The following CD163 variants were observed in gnomAD, a reference collection of about 807,000 sequenced individuals.
The protein encoded by CD163 is scavenger receptor cysteine-rich type 1 protein M130.
A neutral mutation model predicts 129.2 loss-of-function variants in CD163; 64 were observed. That is an observed-to-expected ratio of 0.50 (90% CI 0.41 to 0.61). The LOEUF is 0.61. CD163 is among the 20% of genes least tolerant of loss of function. The pLI, the probability that CD163 is intolerant of heterozygous loss-of-function variation, is 0.00. For synonymous variants in CD163, 446 were observed against 478.5 expected (o/e 0.93, Z 0.89); for missense variants, 1,061 against 1,377.9 (o/e 0.77, Z 3.64).
chr12:7,487,683 G>A lies in CD163; in HGVS notation c.1736-10C>T. The A allele has an allele frequency of 1.2e-6, 2 of 1,614,114 alleles. No homozygotes were observed. The highest frequency in any genetic ancestry group is 1.1e-5 in the South Asian group (1 of 91,084). The stretch of plus-strand genomic sequence containing the variant: ...CGAATTTCTGTGTATCCTGGAAGGA[G>A]ACAGGGCTTTAGAAAAAGACAGCTA... On this transcript the variant is annotated splice_polypyrimidine_tract_variant and intron_variant, in intron 7 of 16. Transcript: ENST00000432237. The surrounding 1 kb of genome is among the most constrained non-coding windows in gnomAD (Gnocchi z 5.1).
intron 15 of CD163, 76 bp from the exon 16 acceptor site, chr12:7,479,989 G>A: frequency 2.5e-6 from 4 of 1,607,260 alleles, no homozygotes; most frequent in Non-Finnish European, 3.4e-6. Flanking sequence ...CTGACTCATG[G>A]GAATTTTCTG....
intron 6 of CD163, among the ~76,000 whole-genome samples, chr12:7,493,854 T>A (rs1329877903): frequency 6.6e-6 from 1 of 152,006 alleles, no homozygotes; most frequent in East Asian, 1.9e-4. Context: ...TAAAAAAAAA[T>A]TTAGGTAAAA....
At chr12:7,484,861 T>C (rs1032978362) in intron 11 of CD163, among the ~76,000 whole-genome samples, 2 of 152,168 alleles carry the variant, frequency 1.3e-5, no homozygotes, top group South Asian at 2.1e-4. Context: ...ATGGGGAGTA[T>C]GATATTCTTT....
rs1443887249 is a variant in CD163 at position 7,470,905 on chromosome 12, C to T, written c.*524G>A. 3 of 152,106 alleles carry T rather than the reference C, an allele frequency of 2.0e-5. No individual in the cohort carries two copies. Among genetic ancestry groups the T allele is most frequent in the African/African-American group, 7.2e-5 (3 of 41,426 alleles). 9.4% of individuals were successfully genotyped at this position (152,106 alleles called of 1,614,324 possible). On this transcript the variant is annotated 3_prime_UTR_variant, in exon 17 of 17. Transcript: ENST00000432237. ...GTTAAAGAATCGTTGTGAGTCATGC[C>T]TTATAAAGTTAGCCATATATTATTT...
At chr12:7,481,982 C>T (rs753359245) in intron 14 of CD163, among the ~76,000 whole-genome samples, 5 of 152,000 alleles carry the variant, frequency 3.3e-5, no homozygotes, top group Non-Finnish European at 5.9e-5. Flanking sequence ...TCCAGTAATC[C>T]CCCTCCCCTT....
At position 7,490,835 on chromosome 12, in the gene CD163, C is replaced by T. The variant is rs780460334; in HGVS notation, c.1421-2748G>A. 5.3e-5 allele frequency among the ~76,000 whole-genome samples: 8 copies of T among 152,086 alleles called. No individual in the cohort carries two copies. The East Asian group carries it at 1.5e-3, about 29-fold the overall frequency. ...TCCTATCCAAATTTGAAATGAAAAA[C>T]ATGTTGCTTTCTAAACATAGCTCAG... On this transcript the variant is annotated intron_variant, in intron 6 of 16. Transcript: ENST00000432237.
Position 7,485,270 on chromosome 12 carries a change from A to ACCAC in CD163, c.2604_2605insGTGG (p.Cys869ValfsTer33). ...GGGTTGATTTTCCCTTTGTCTGCAC[A>ACCAC]GCCCAGCTGCCTGCACACCACACCC... On this transcript the variant is annotated frameshift_variant, in exon 11 of 17. Transcript: ENST00000432237. LOFTEE classifies it high-confidence loss of function. This position sits in a 1 kb window ranked among gnomAD's most constrained non-coding sequence, Gnocchi z 4.5. 6.2e-7 allele frequency: 1 copy of ACCAC among 1,614,240 alleles called. No individual in the cohort carries two copies. Among genetic ancestry groups the ACCAC allele is most frequent in the East Asian group, 2.2e-5 (1 of 44,890 alleles).
intron 16 of CD163, among the ~76,000 whole-genome samples, chr12:7,477,790 C>G (rs2136688167): frequency 6.6e-6 from 1 of 152,132 alleles, no homozygotes; most frequent in African/African-American, 2.4e-5. Flanking sequence ...TTTAAAAGCA[C>G]CCTCATGTGA....
intron 4 of CD163, 79 bp downstream of exon 4, chr12:7,498,789 G>C: frequency 7.6e-7 from 1 of 1,319,278 alleles, no homozygotes; most frequent in Non-Finnish European, 1.0e-6. Flanking sequence ...ATGTTCTTAA[G>C]AGTTCAGGCT....
In CD163 at chr12:7,501,202, G is replaced by A. The variant is rs755227733; in HGVS notation, c.394C>T (p.His132Tyr). 1 of 1,614,166 alleles carries A rather than the reference G, an allele frequency of 6.2e-7. No individual in the cohort carries two copies. Among genetic ancestry groups the A allele is most frequent in the East Asian group, 2.2e-5 (1 of 44,890 alleles). Residue 132 changes from histidine (H) to tyrosine (Y), a missense_variant, in exon 3 of 17, where the codon CAT becomes TAT. Physicochemically the swap from His to Tyr is moderately conservative, Grantham distance 83 (BLOSUM62 2). Transcript: ENST00000432237. ...GNESALWDCK[H>Y]DGWGKHSNCT... ...TTACTATGCTTTCCCCATCCATCAT[G>A]TTTGCAATCCCAAAGAGCTGACTCA... is the stretch of plus-strand genomic sequence containing the variant.
chr12:7,503,603 C>A (rs1949522728), intron 1 of CD163, 42 bp downstream of exon 1: 6 of 1,286,528 alleles, frequency 4.7e-6, no homozygotes, highest in Non-Finnish European at 6.7e-6. Context: ...TAATTACATA[C>A]CCCATTAAAG....
Position 7,485,420 on chromosome 12 carries a change from C to T in CD163, c.2459-4G>A. On this transcript the variant is annotated splice_polypyrimidine_tract_variant and splice_region_variant and intron_variant, in intron 10 of 16. Transcript: ENST00000432237. This position sits in a 1 kb window ranked among gnomAD's most constrained non-coding sequence, Gnocchi z 4.5. ...GTCAGTCTCAGAGACATGAATTCTG[C>T]AGCGAAACATAGAATTAGTAGTTTT... 1 of 1,607,512 alleles carries T rather than the reference C, an allele frequency of 6.2e-7. No homozygotes were observed. Among genetic ancestry groups the T allele is most frequent in the Non-Finnish European group, 8.5e-7 (1 of 1,175,206 alleles).
intron 16 of CD163, among the ~76,000 whole-genome samples, chr12:7,477,604 A>G (rs369008042): frequency 2.7e-4 from 41 of 152,154 alleles, no homozygotes; most frequent in Middle Eastern, 3.4e-3. Flanking sequence ...GGCAAGGGGA[A>G]GGAGAGCATT....
intron 6 of CD163, among the ~76,000 whole-genome samples, chr12:7,489,570 G>A (rs755501448): frequency 1.3e-5 from 2 of 151,896 alleles, no homozygotes; most frequent in Non-Finnish European, 2.9e-5. Flanking sequence ...CTCTATTTTA[G>A]GCATTTGATG....
At chr12:7,500,884 C>T (rs1358694762) in intron 3 of CD163, among the ~76,000 whole-genome samples, 2 of 151,934 alleles carry the variant, frequency 1.3e-5, no homozygotes, top group African/African-American at 4.8e-5. Context: ...TTTAAACCAC[C>T]ACTTCTTGGC....
intron 12 of CD163, 157 bp from the exon 13 acceptor site, chr12:7,483,161 G>A (rs1949187310): frequency 6.0e-6 from 5 of 829,146 alleles, no homozygotes; most frequent in Admixed American, 2.6e-5. Flanking sequence ...CTCTGCACAG[G>A]GAATATAGGT....
chr12:7,483,826 T>TATATATATATATATATATAC, intron 11 of CD163, 151 bp from the exon 12 acceptor site: 1 of 23,506 alleles, frequency 4.3e-5, no homozygotes, highest in African/African-American at 6.2e-5. Context: ...TATATATATG[T>TATATATATATATATATATAC]ATATATATAT....
chr12:7,494,725 A>G (rs903954621), intron 6 of CD163, among the ~76,000 whole-genome samples: 2 of 152,210 alleles, frequency 1.3e-5, no homozygotes, highest in Non-Finnish European at 2.9e-5. Context: ...TTCACAGTAC[A>G]ATAGAGGGAG....
At position 7,470,908 on chromosome 12, in the gene CD163, A is replaced by G. The variant is rs1948993620; in HGVS notation, c.*521T>C. The G allele has an allele frequency of 6.6e-6, 1 of 152,186 alleles. No homozygotes were observed. The highest frequency in any genetic ancestry group is 2.1e-4 in the South Asian group (1 of 4,836). 9.4% of individuals were successfully genotyped at this position (152,186 alleles called of 1,614,324 possible). ...AAAGAATCGTTGTGAGTCATGCCTT[A>G]TAAAGTTAGCCATATATTATTTACA... On this transcript the variant is annotated 3_prime_UTR_variant, in exon 17 of 17. Transcript: ENST00000432237.
Sources: allele counts gnomAD v4.1 joint callset (sites outside exome capture counted in the v4.1 genomes callset), GRCh38; gene constraint gnomAD v4.1.1; non-coding constraint Gnocchi (gnomAD v3.1); transcripts MANE v1.5; gene names NCBI Gene and HGNC (gene_info 2026-07-23, HGNC 2026-07-21).